DIAPH3: variants seen among roughly 807,000 people sequenced by gnomAD.
DIAPH3 encodes protein diaphanous homolog 3.
DIAPH3 carries 117 observed loss-of-function variants against 144.3 expected under a neutral mutation model. The observed-to-expected ratio is 0.81, with a 90% CI of 0.70 to 0.95. The LOEUF is 0.95. DIAPH3 is among the 40% of genes least tolerant of loss of function. The pLI is 0.00. For synonymous variants in DIAPH3, 519 were observed against 488.9 expected, an observed-to-expected ratio of 1.06 and a Z score of -0.81; for missense variants, 1,421 against 1,412.7, an observed-to-expected ratio of 1.01 and a Z score of -0.09.
chr13:60,113,321 C>T (rs960927503), intron 2 of DIAPH3, among the ~76,000 whole-genome samples: 5 of 152,210 alleles, frequency 3.3e-5, no homozygotes, highest in South Asian at 2.1e-4. Context: ...CCATTAAAAA[C>T]GTCTGATACC....
rs537513671 is a variant in DIAPH3 at position 59,834,576 on chromosome 13, A to G, written c.2863-1305T>C. Among the ~76,000 whole-genome samples the G allele has an allele frequency of 5.5e-4, 83 of 151,766 alleles. 1 individual carries two copies. The highest frequency in any genetic ancestry group is 2.0e-3 in the African/African-American group (82 of 41,508). ...TGAGAAAAATAATGAAAGACCAAGG[A>G]AAAAAGAGACAGCACTACTGCCAGG... On this transcript the variant is annotated intron_variant, in intron 23 of 27. Coordinates refer to ENST00000400324, the MANE Select transcript of DIAPH3 (RefSeq NM_001042517.2).
chr13:60,099,116 AAT>A (rs1336846666), intron 3 of DIAPH3, among the ~76,000 whole-genome samples: 9 of 152,306 alleles, frequency 5.9e-5, no homozygotes, highest in African/African-American at 2.2e-4. Flanking sequence ...AAGTTCTATT[AAT>A]ATGTTAGTAA....
chr13:60,064,208 T>C (rs531822386), intron 4 of DIAPH3, among the ~76,000 whole-genome samples: 1 of 152,202 alleles, frequency 6.6e-6, no homozygotes, highest in Non-Finnish European at 1.5e-5. Context: ...GTTTCAACTT[T>C]AAGTTATCAG....
At chr13:60,038,287 A>G (rs1171425911) in intron 5 of DIAPH3, among the ~76,000 whole-genome samples, 1 of 152,162 alleles carries the variant, frequency 6.6e-6, no homozygotes, top group Non-Finnish European at 1.5e-5. Flanking sequence ...CTAATTTAAA[A>G]ATTTAAAGTA....
At chr13:59,969,313 A>G (rs1243971871) in intron 17 of DIAPH3, among the ~76,000 whole-genome samples, 1 of 152,234 alleles carries the variant, frequency 6.6e-6, no homozygotes, top group Non-Finnish European at 1.5e-5. Flanking sequence ...GCTAACTTTG[A>G]AGACATTATA....
chr13:60,047,306 G>A (rs374949894), intron 4 of DIAPH3, among the ~76,000 whole-genome samples: 51 of 151,510 alleles, frequency 3.4e-4, no homozygotes, highest in African/African-American at 1.1e-3. Flanking sequence ...AATGATTACC[G>A]TCAAAATCCC....
intron 24 of DIAPH3, among the ~76,000 whole-genome samples, chr13:59,822,247 ATAT>A (rs1260958627): frequency 6.6e-6 from 1 of 152,108 alleles, no homozygotes; most frequent in Non-Finnish European, 1.5e-5. Context: ...TATAATAAAA[ATAT>A]TATTTTTATC....
At chr13:59,794,395 T>C (rs1353741517) in intron 25 of DIAPH3, among the ~76,000 whole-genome samples, 1 of 152,118 alleles carries the variant, frequency 6.6e-6, no homozygotes, top group East Asian at 1.9e-4. Context: ...CTGTTGAAGG[T>C]AAATATAATA....
intron 5 of DIAPH3, among the ~76,000 whole-genome samples, chr13:60,020,715 A>T (rs957138645): frequency 6.6e-6 from 1 of 152,214 alleles, no homozygotes; most frequent in African/African-American, 2.4e-5. Flanking sequence ...TGCACTAGGT[A>T]TGAGAAATAC....
chr13:59,952,153 G>A lies in DIAPH3; in HGVS notation c.2074+17791C>T, dbSNP rs373546748. ...GTAAAGTGAAAGCCAGATACGGTAAGTCACATATTGTGTGATTCCACTGAT... is the reference window on the plus strand; with the variant it reads ...GTAAAGTGAAAGCCAGATACGGTAAATCACATATTGTGTGATTCCACTGAT... On this transcript the variant is annotated intron_variant, in intron 17 of 27. Coordinates refer to ENST00000400324, the MANE Select transcript of DIAPH3 (RefSeq NM_001042517.2). Among the ~76,000 whole-genome samples the A allele has an allele frequency of 5.3e-5, 8 of 152,218 alleles. No individual in the cohort carries two copies. In the East Asian group the frequency reaches 1.2e-3, roughly 22 times the overall value.
chr13:60,160,514 T>C (rs1204167243), intron 1 of DIAPH3, among the ~76,000 whole-genome samples: 1 of 152,226 alleles, frequency 6.6e-6, no homozygotes, highest in Non-Finnish European at 1.5e-5. Context: ...CCAAGAGTAA[T>C]GAGAAACAGG....
intron 5 of DIAPH3, 151 bp from the exon 6 acceptor site, chr13:60,016,296 T>A: frequency 1.3e-6 from 1 of 796,580 alleles, no homozygotes; most frequent in Non-Finnish European, 2.0e-6. Flanking sequence ...TCATGACTCA[T>A]CTTAGTTGTG....
chr13:59,831,635 G>C (rs1312263398), intron 24 of DIAPH3, among the ~76,000 whole-genome samples: 1 of 151,826 alleles, frequency 6.6e-6, no homozygotes, highest in Non-Finnish European at 1.5e-5. Flanking sequence ...CAGGGCCCCA[G>C]GTAGACAAAA....
rs188250382 is a variant in DIAPH3 at position 59,963,351 on chromosome 13, A to G, written c.2074+6593T>C. ...AATTCAAGATTCTAAAATATATAAT[A>G]AAGTTATTTTTATACAGATTTTTCT... On this transcript the variant is annotated intron_variant, in intron 17 of 27. Coordinates refer to ENST00000400324, the MANE Select transcript of DIAPH3 (RefSeq NM_001042517.2). Among the ~76,000 whole-genome samples the G allele has an allele frequency of 2.7e-3, 405 of 152,328 alleles. 3 individuals are homozygous for G. Among genetic ancestry groups the G allele is most frequent in the Middle Eastern group, 0.01 (3 of 294 alleles).
Position 59,774,766 on chromosome 13 carries a change from G to C in DIAPH3, c.3221C>G (p.Ala1074Gly). 6.2e-7 allele frequency: 1 copy of C among 1,614,150 alleles called. No individual in the cohort carries two copies. Residue 1074 changes from alanine to glycine, a missense_variant, in exon 26 of 28, where the codon GCC becomes GGC. Ala to Gly is a moderately conservative substitution (Grantham distance 60). Coordinates refer to ENST00000400324, the MANE Select transcript of DIAPH3 (RefSeq NM_001042517.2). ...NLLEALQSGAAFRDRRKRTPM... is the reference protein window; with the variant it reads ...NLLEALQSGAGFRDRRKRTPM... ...TGTCCTTTTTCTTCTGTCGCGGAAGGCAGCCCCGGACTGCAAGGCCTCCAG... is the reference window on the plus strand; with the variant it reads ...TGTCCTTTTTCTTCTGTCGCGGAAGCCAGCCCCGGACTGCAAGGCCTCCAG...
At chr13:59,871,971 TTCTC>T (rs1293564716) in intron 21 of DIAPH3, among the ~76,000 whole-genome samples, 2 of 152,172 alleles carry the variant, frequency 1.3e-5, no homozygotes, top group African/African-American at 4.8e-5. Context: ...AATTTGTATC[TTCTC>T]TCTTTTTCTC....
chr13:60,113,685 GA>G (rs150878042), intron 2 of DIAPH3, among the ~76,000 whole-genome samples: 167 of 152,276 alleles, frequency 1.1e-3, no homozygotes, highest in African/African-American at 3.8e-3. Context: ...AAGACCCAAA[GA>G]AATCTACAAG....
chr13:59,903,829 A>G (rs2046584007), intron 20 of DIAPH3, among the ~76,000 whole-genome samples: 1 of 152,194 alleles, frequency 6.6e-6, no homozygotes, highest in Non-Finnish European at 1.5e-5. Flanking sequence ...TATTTCATAC[A>G]TTCACTTAAC....
intron 27 of DIAPH3, among the ~76,000 whole-genome samples, chr13:59,742,266 A>G (rs987501151): frequency 2.6e-5 from 4 of 152,192 alleles, no homozygotes; most frequent in African/African-American, 7.2e-5. Flanking sequence ...AATCACATAC[A>G]TATTTATTTA....
Sources: allele counts gnomAD v4.1 joint callset (sites outside exome capture counted in the v4.1 genomes callset), GRCh38; gene constraint gnomAD v4.1.1; transcripts MANE v1.5; gene names NCBI Gene and HGNC (gene_info 2026-07-23, HGNC 2026-07-21).